AFG1L: variants seen among roughly 807,000 people sequenced by gnomAD.
AFG1L encodes AFG1-like ATPase.
In AFG1L, 53 loss-of-function variants were observed where a neutral mutation model predicts 62.2. The observed-to-expected ratio is 0.85, with a 90% CI of 0.68 to 1.07. The LOEUF (loss-of-function observed/expected upper bound fraction) is 1.07, where lower values mean the gene tolerates loss of function less well. AFG1L is among the 50% of genes least tolerant of loss of function. The pLI is 0.00. For missense variants in AFG1L, 555 were observed against 590.5 expected, an observed-to-expected ratio of 0.94 and a Z score of 0.62; for synonymous variants, 228 against 210.3, an observed-to-expected ratio of 1.08 and a Z score of -0.73.
At chr6:108,464,163 A>G (rs1209411202) in intron 8 of AFG1L, among the ~76,000 whole-genome samples, 1 of 152,228 alleles carries the variant, frequency 6.6e-6, no homozygotes, top group Non-Finnish European at 1.5e-5. Flanking sequence ...AAGTGTGGGT[A>G]GCATTCTGTT....
intron 6 of AFG1L, among the ~76,000 whole-genome samples, chr6:108,398,950 A>G (rs1781433076): frequency 6.6e-6 from 1 of 152,122 alleles, no homozygotes. Context: ...GATTCCATAT[A>G]AATTTTAGGA....
intron 2 of AFG1L, among the ~76,000 whole-genome samples, chr6:108,338,834 G>A (rs976139274): frequency 6.6e-6 from 1 of 152,128 alleles, no homozygotes; most frequent in African/African-American, 2.4e-5. Flanking sequence ...GCGAGACCCC[G>A]TTACCAAGAC....
At chr6:108,423,216 T>C (rs1770676669) in intron 7 of AFG1L, among the ~76,000 whole-genome samples, 1 of 152,098 alleles carries the variant, frequency 6.6e-6, no homozygotes, top group Admixed American at 6.6e-5. Context: ...TGTCAGAATG[T>C]AATTATGACT....
At chr6:108,469,108 C>A (rs1342266912) in intron 8 of AFG1L, among the ~76,000 whole-genome samples, 1 of 152,108 alleles carries the variant, frequency 6.6e-6, no homozygotes, top group Non-Finnish European at 1.5e-5. Flanking sequence ...ATCAGAAGTT[C>A]TGAGTGCATA....
chr6:108,333,241 C>G (rs1158937740), intron 2 of AFG1L, among the ~76,000 whole-genome samples: 2 of 151,884 alleles, frequency 1.3e-5, no homozygotes, highest in East Asian at 1.9e-4. Context: ...GAAACCCCGT[C>G]TGTACTAAAA....
At chr6:108,391,098 T>A (rs2114593483) in intron 6 of AFG1L, among the ~76,000 whole-genome samples, 1 of 152,202 alleles carries the variant, frequency 6.6e-6, no homozygotes, top group East Asian at 1.9e-4. Context: ...GGTATCTTTT[T>A]TGTATAATGA....
chr6:108,460,729 G>A (rs558298508), intron 8 of AFG1L, among the ~76,000 whole-genome samples: 121 of 152,224 alleles, frequency 7.9e-4, no homozygotes, highest in African/African-American at 2.6e-3. Flanking sequence ...AGGCCGAGGC[G>A]GGAGGATCAT....
intron 11 of AFG1L, 120 bp from the exon 12 acceptor site, chr6:108,519,577 T>G: frequency 1.6e-6 from 1 of 615,712 alleles, no homozygotes. Flanking sequence ...ATGGACGTCT[T>G]AAAAGCAAAG....
intron 1 of AFG1L, among the ~76,000 whole-genome samples, chr6:108,300,891 C>T (rs1776971072): frequency 6.6e-6 from 1 of 152,228 alleles, no homozygotes; most frequent in South Asian, 2.1e-4. Flanking sequence ...CCAGGATGGT[C>T]TCGATCTCCT....
Position 108,347,685 on chromosome 6 carries a change from T to C in AFG1L, c.415+646T>C, listed in dbSNP as rs546902105. ...CTGAAATATTCTGTTTTGTGGTTTCTATTTTCTTCAAACAAATCCTTTTCT... is the reference window on the plus strand; with the variant it reads ...CTGAAATATTCTGTTTTGTGGTTTCCATTTTCTTCAAACAAATCCTTTTCT... On this transcript the variant is annotated intron_variant, in intron 3 of 12. Coordinates refer to ENST00000368977, the MANE Select transcript of AFG1L (RefSeq NM_145315.5). Among the ~76,000 whole-genome samples the C allele has an allele frequency of 1.1e-3, 167 of 152,322 alleles. 1 individual carries two copies. Among genetic ancestry groups the C allele is most frequent in the African/African-American group, 3.7e-3 (155 of 41,580 alleles).
rs1774001791 is a variant in AFG1L, at chr6:108,497,166, CT to C, written c.1063-13045del. On this transcript the variant is annotated intron_variant, in intron 10 of 12. Transcript: ENST00000368977. The stretch of plus-strand genomic sequence containing the variant: ...AGGGCTCTTACTACAACCCATCAAA[CT>C]GTTTTCAGGAACAACTAAACTGATT... 2.0e-5 allele frequency among the ~76,000 whole-genome samples: 3 copies of C among 152,252 alleles called. No individual in the cohort carries two copies. In the South Asian group the frequency reaches 6.2e-4, roughly 32 times the overall value.
rs557368366 is a variant in AFG1L, at chr6:108,451,870, A to G, written c.890+4574A>G. ...GCTGGGATTACAGGCACACGCCACC[A>G]CACCCGGCTAATTTTTGTATTTTTA... On this transcript the variant is annotated intron_variant, in intron 8 of 12. Transcript: ENST00000368977. 2.0e-5 allele frequency among the ~76,000 whole-genome samples: 3 copies of G among 152,052 alleles called. No individual in the cohort carries two copies. In the South Asian group the frequency reaches 6.2e-4, roughly 32 times the overall value.
intron 1 of AFG1L, among the ~76,000 whole-genome samples, chr6:108,310,615 C>T (rs1777367471): frequency 6.8e-6 from 1 of 147,366 alleles, no homozygotes. Context: ...TGCTCTGTCA[C>T]CTAGGCTGGA....
chr6:108,314,419 T>G (rs1777516566), intron 1 of AFG1L, among the ~76,000 whole-genome samples: 1 of 150,578 alleles, frequency 6.6e-6, no homozygotes, highest in Admixed American at 6.6e-5. Context: ...TTTTAAGAGA[T>G]AGAGTCTCGC....
chr6:108,457,008 T>C (rs1197010460), intron 8 of AFG1L, among the ~76,000 whole-genome samples: 1 of 152,198 alleles, frequency 6.6e-6, no homozygotes, highest in Non-Finnish European at 1.5e-5. Flanking sequence ...TTATCATGTC[T>C]GTATGATGAC....
At chr6:108,405,833 C>G (rs1044035456) in intron 7 of AFG1L, among the ~76,000 whole-genome samples, 2 of 152,198 alleles carry the variant, frequency 1.3e-5, no homozygotes, top group African/African-American at 4.8e-5. Context: ...CTGTCTGCCT[C>G]TGTGAATTTG....
chr6:108,367,297 A>C (rs1779801382), intron 6 of AFG1L, among the ~76,000 whole-genome samples: 1 of 152,156 alleles, frequency 6.6e-6, no homozygotes, highest in Non-Finnish European at 1.5e-5. Context: ...TGAACATTGG[A>C]TGATTGCATG....
At chr6:108,318,287 T>C (rs1777681907) in intron 1 of AFG1L, 1 of 299,614 alleles carries the variant, frequency 3.3e-6, no homozygotes, top group Non-Finnish European at 5.9e-6. Context: ...CAAAGAAGAC[T>C]GTGCTGAGCT....
rs144930059 is a variant in AFG1L, at chr6:108,425,793, A to G, written c.808-21421A>G. Among the ~76,000 whole-genome samples, 593 of 152,296 alleles carry G rather than the reference A, an allele frequency of 3.9e-3. 6 individuals carry two copies. Among genetic ancestry groups the G allele is most frequent in the African/African-American group, 0.014 (569 of 41,588 alleles). ...CTTTATCTTTCTTTTATATAAAAGT[A>G]TAATCTATCTTATTAATCTAGCTTT... is the stretch of plus-strand genomic sequence containing the variant. On this transcript the variant is annotated intron_variant, in intron 7 of 12. Coordinates refer to ENST00000368977, the MANE Select transcript of AFG1L (RefSeq NM_145315.5).
Sources: gnomAD v4.1 joint callset for allele counts (sites outside exome capture counted in the v4.1 genomes callset) on GRCh38, gnomAD v4.1.1 for gene constraint, MANE v1.5 for transcripts, NCBI Gene and HGNC (gene_info 2026-07-23, HGNC 2026-07-21) for gene names.